The following IRF9 variants were observed in gnomAD, a reference collection of about 807,000 sequenced individuals.
IRF9 encodes IFN-alpha-responsive transcription factor subunit.
Under a neutral mutation model 44.1 loss-of-function variants are expected in IRF9, and 13 were observed. The observed-to-expected ratio is 0.29, with a 90% confidence interval of 0.19 to 0.47. The LOEUF is 0.47. Ranked by LOEUF, IRF9 falls within the 20% of genes least tolerant of loss-of-function variation. IRF9 has a pLI of 1.00. For synonymous variants in IRF9, 189 were observed against 188.5 expected (o/e 1.00, Z -0.02); for missense variants, 373 against 496.1 (o/e 0.75, Z 2.36).
chr14:24,164,580 C>T lies in IRF9; in HGVS notation c.650-34C>T. 6.5e-7 allele frequency: 1 copy of T among 1,540,250 alleles called. No homozygotes were observed. Among genetic ancestry groups the T allele is most frequent in the Non-Finnish European group, 8.8e-7 (1 of 1,135,760 alleles). On this transcript the variant is annotated intron_variant, in intron 6 of 8. Transcript: ENST00000396864. The surrounding 1 kb of genome is among the most constrained non-coding windows in gnomAD (Gnocchi z 5.2). ...AGGGGCTGCTGCCAGCCTGCATGCTCCTCCAGCACCAGGTAGGGCTGTTCT... is the reference window on the plus strand; with the variant it reads ...AGGGGCTGCTGCCAGCCTGCATGCTTCTCCAGCACCAGGTAGGGCTGTTCT...
Position 24,164,128 on chromosome 14 carries a change from G to A in IRF9, c.643G>A (p.Glu215Lys), listed in dbSNP as rs2038494644. 1 of 1,613,948 alleles carries A rather than the reference G, an allele frequency of 6.2e-7. No individual in the cohort carries two copies. Among genetic ancestry groups the A allele is most frequent in the African/African-American group, 1.3e-5 (1 of 74,916 alleles). The change falls in exon 6 of 9, where the codon GAG (glutamate) becomes AAG (lysine). Residue 215 changes from glutamate (E) to lysine (K), a missense_variant. Around this residue, in one of 2 missense-constraint regions of IRF9, gnomAD observed 146 missense variants for 240.8 expected, o/e 0.61. Transcript: ENST00000396864. The surrounding 1 kb of genome is among the most constrained non-coding windows in gnomAD (Gnocchi z 5.2). ...GTCCCTGGAGTTTCTGCTTCCTCCA[G>A]AGCCAGGTACGTGGCATTTCTGACT... ...QRSLEFLLPP[E>K]PDYSLLLTFI...
Position 24,164,555 on chromosome 14 carries a change from AG to A in IRF9, c.650-55del. On this transcript the variant is annotated intron_variant, in intron 6 of 8. Coordinates refer to ENST00000396864, the MANE Select transcript of IRF9 (RefSeq NM_006084.5). The surrounding 1 kb of genome is among the most constrained non-coding windows in gnomAD (Gnocchi z 5.2). ...GGGAGGTGGAGTTGTTCCCCTGGGGAGGGGCTGCTGCCAGCCTGCATGCTCC... is the reference window on the plus strand; with the variant it reads ...GGGAGGTGGAGTTGTTCCCCTGGGGAGGGCTGCTGCCAGCCTGCATGCTCC... The A allele has an allele frequency of 6.7e-7, 1 of 1,487,514 alleles. No individual in the cohort carries two copies. The allele number at this position is 1,487,514 out of a possible 1,614,324, so 92.1% of individuals were successfully genotyped here.
chr14:24,165,221 A>G (rs1034261461), intron 7 of IRF9: 1 of 702,206 alleles, frequency 1.4e-6, no homozygotes, highest in African/African-American at 1.7e-5. Context: ...CTTGGAGAAC[A>G]CCATCACACT....
intron 4 of IRF9, 180 bp downstream of exon 4, chr14:24,163,688 A>G (rs1392691992): frequency 2.3e-6 from 2 of 879,170 alleles, no homozygotes; most frequent in African/African-American, 3.4e-5. Flanking sequence ...AAATACAAAA[A>G]TTAGCTGTGC....
Position 24,164,146 on chromosome 14 carries a change from T to G in IRF9, c.649+12T>G. On this transcript the variant is annotated intron_variant, in intron 6 of 8. Transcript: ENST00000396864. This position sits in a 1 kb window ranked among gnomAD's most constrained non-coding sequence, Gnocchi z 5.2. The stretch of plus-strand genomic sequence containing the variant: ...TCCTCCAGAGCCAGGTACGTGGCAT[T>G]TCTGACTTTCTCCTGTGCCCTGTGC... The G allele has an allele frequency of 6.2e-7, 1 of 1,612,902 alleles. No individual in the cohort carries two copies. Among genetic ancestry groups the G allele is most frequent in the Non-Finnish European group, 8.5e-7 (1 of 1,178,886 alleles).
Position 24,164,296 on chromosome 14 carries a change from G to C in IRF9, c.649+162G>C, listed in dbSNP as rs1261026979. 3 of 670,334 alleles carry C rather than the reference G, an allele frequency of 4.5e-6. No homozygotes were observed. The African/African-American group carries it at 5.5e-5, about 12-fold the overall frequency. The allele number at this position is 670,334 out of a possible 1,614,324, so 41.5% of individuals were successfully genotyped here. On this transcript the variant is annotated intron_variant, in intron 6 of 8. Transcript: ENST00000396864. This position sits in a 1 kb window ranked among gnomAD's most constrained non-coding sequence, Gnocchi z 5.2. ...TAGGTGGCGAGAATTCCATATGCCT[G>C]GCCAGACTCCAAAAAGCTTGCTTCC...
rs1030228619 is a variant in IRF9, at chr14:24,162,999, G to A, written c.214G>A (p.Gly72Arg). Residue 72 changes from glycine to arginine, a missense_variant, in exon 3 of 9, where the codon GGG becomes AGG. Physicochemically the swap from Gly to Arg is moderately radical, Grantham distance 125 (BLOSUM62 -2). Around this residue, in one of 2 missense-constraint regions of IRF9, gnomAD observed 227 missense variants for 255.3 expected, o/e 0.89. Transcript: ENST00000396864. ...WAIFKGKYKE[G>R]DTGGPAVWKT... The stretch of plus-strand genomic sequence containing the variant: ...AATATTTAAGGGAAAGTATAAGGAG[G>A]GGGACACAGGAGGTCCAGCTGTCTG... The A allele has an allele frequency of 3.7e-6, 6 of 1,613,866 alleles. No individual in the cohort carries two copies. Among genetic ancestry groups the A allele is most frequent in the Non-Finnish European group, 5.1e-6 (6 of 1,179,994 alleles).
At position 24,162,255 on chromosome 14, in the gene IRF9, G is replaced by A. The variant is rs2038467286; in HGVS notation, c.111G>A (p.Met37Ile). 6.2e-7 allele frequency: 1 copy of A among 1,614,080 alleles called. No individual in the cohort carries two copies. Among genetic ancestry groups the A allele is most frequent in the Admixed American group, 1.7e-5 (1 of 60,006 alleles). ...GVCWDDTAKT[M>I]FRIPWKHAGK... is the part of the protein sequence containing the mutation. ...GCTGGGATGATACAGCTAAGACCAT[G>A]TTCCGGATTCCCTGGAAACATGCAG... The change falls in exon 2 of 9, where the codon ATG (methionine) becomes ATA (isoleucine). Residue 37 changes from methionine (M) to isoleucine (I), a missense_variant. Met to Ile is a conservative substitution (Grantham distance 10, BLOSUM62 1). Coordinates refer to ENST00000396864, the MANE Select transcript of IRF9 (RefSeq NM_006084.5).
rs374948582 is a variant in IRF9, at chr14:24,166,033, G to A, written c.1107+71G>A. On this transcript the variant is annotated intron_variant, in intron 8 of 8. Coordinates refer to ENST00000396864, the MANE Select transcript of IRF9 (RefSeq NM_006084.5). ...ACAGTGGTGCTCCAGGAGGCAAAGG[G>A]GGTCTCCCAGTGGGGAAGGAGCTCC... is the stretch of plus-strand genomic sequence containing the variant. 1.6e-4 allele frequency: 256 copies of A among 1,574,164 alleles called. 2 individuals are homozygous for A. In the East Asian group the frequency reaches 2.9e-3, roughly 18 times the overall value.
intron 2 of IRF9, 60 bp downstream of exon 2, chr14:24,162,384 C>A: frequency 6.7e-7 from 1 of 1,500,000 alleles, no homozygotes; most frequent in Non-Finnish European, 9.1e-7. Context: ...CACACTGGTA[C>A]ACTCATCCTC....
At chr14:24,161,968 T>C (rs2038462389) in intron 1 of IRF9, among the ~76,000 whole-genome samples, 176 bp from the exon 2 acceptor site, 1 of 152,208 alleles carries the variant, frequency 6.6e-6, no homozygotes, top group Admixed American at 6.5e-5. Flanking sequence ...CTGCTAGTGA[T>C]GGCAGAAAGG....
intron 4 of IRF9, 180 bp from the exon 5 acceptor site, chr14:24,163,698 C>A: frequency 1.2e-6 from 1 of 855,194 alleles, no homozygotes. Context: ...ATTAGCTGTG[C>A]GTTGTGGCAT....
At chr14:24,161,620 C>T (rs1316654635) in intron 1 of IRF9, among the ~76,000 whole-genome samples, 1 of 152,146 alleles carries the variant, frequency 6.6e-6, no homozygotes, top group East Asian at 1.9e-4. Context: ...CCATCTGGCC[C>T]TGCCCACTTC....
Position 24,163,013 on chromosome 14 carries a change from T to C in IRF9, c.228T>C (p.Gly76=). ...AGTATAAGGAGGGGGACACAGGAGG[T>C]CCAGCTGTCTGGAAGACTCGCCTGC... The part of the protein sequence containing the change: ...KGKYKEGDTG[G]PAVWKTRLRC... The change falls in exon 3 of 9, where the codon GGT becomes GGC. Residue 76 remains glycine, a synonymous_variant. Transcript: ENST00000396864. 1 of 1,613,894 alleles carries C rather than the reference T, an allele frequency of 6.2e-7. No homozygotes were observed. The highest frequency in any genetic ancestry group is 8.5e-7 in the Non-Finnish European group (1 of 1,180,014).
Position 24,164,681 on chromosome 14 carries a change from G to A in IRF9, c.717G>A (p.Leu239=), listed in dbSNP as rs772322390. The A allele has an allele frequency of 1.2e-6, 2 of 1,613,538 alleles. No homozygotes were observed. The highest frequency in any genetic ancestry group is 3.3e-5 in the Admixed American group (2 of 59,990). Reference sequence around the variant, plus strand: ...TGGGCGAGGCCCAGGTGCAAAGCCTGGATTGCCGCCTTGTGGCTGAGCCCT... The same window carrying A: ...TGGGCGAGGCCCAGGTGCAAAGCCTAGATTGCCGCCTTGTGGCTGAGCCCT... ...RVVGEAQVQS[L]DCRLVAEPSG... Residue 239 remains leucine (L), a synonymous_variant, in exon 7 of 9, where the codon CTG becomes CTA. Transcript: ENST00000396864. This position sits in a 1 kb window ranked among gnomAD's most constrained non-coding sequence, Gnocchi z 5.2.
intron 5 of IRF9, 38 bp downstream of exon 5, chr14:24,163,997 CA>C: frequency 6.2e-7 from 1 of 1,611,158 alleles, no homozygotes; most frequent in Non-Finnish European, 8.5e-7. Context: ...TCCCCCATGC[CA>C]CACCCTCTGG....
rs781704165 is a variant in IRF9, at chr14:24,163,164, G to A, written c.364+15G>A. On this transcript the variant is annotated intron_variant, in intron 3 of 8. Coordinates refer to ENST00000396864, the MANE Select transcript of IRF9 (RefSeq NM_006084.5). ...AATCGTCTCTGGTGAGTTTCCCCTT[G>A]TCCAACCACTGCTAGACTCAGCAGA... is the stretch of plus-strand genomic sequence containing the variant. The A allele has an allele frequency of 9.3e-6, 15 of 1,612,746 alleles. No individual in the cohort carries two copies. Among genetic ancestry groups the A allele is most frequent in the Middle Eastern group, 1.7e-4 (1 of 5,768 alleles).
rs995214538 is a variant in IRF9, at chr14:24,164,665, C to T, written c.701C>T (p.Ala234Val). Residue 234 changes from alanine to valine, a missense_variant, in exon 7 of 9, where the codon GCC (alanine) becomes GTC (valine). By Grantham distance (64) the Ala-to-Val change is moderately conservative (BLOSUM62 0). This residue lies in a region of IRF9 where 146 missense variants were observed against 240.8 expected (regional missense o/e 0.61). Coordinates refer to ENST00000396864, the MANE Select transcript of IRF9 (RefSeq NM_006084.5). This position sits in a 1 kb window ranked among gnomAD's most constrained non-coding sequence, Gnocchi z 5.2. ...FIYNGRVVGE[A>V]QVQSLDCRLV... ...TACAACGGGCGCGTGGTGGGCGAGG[C>T]CCAGGTGCAAAGCCTGGATTGCCGC... The T allele has an allele frequency of 6.2e-7, 1 of 1,613,188 alleles. No individual in the cohort carries two copies. Among genetic ancestry groups the T allele is most frequent in the Non-Finnish European group, 8.5e-7 (1 of 1,179,430 alleles).
chr14:24,162,128 T>C lies in IRF9; in HGVS notation c.-1-16T>C, dbSNP rs2038464594. On this transcript the variant is annotated splice_polypyrimidine_tract_variant and intron_variant, in intron 1 of 8. Transcript: ENST00000396864. ...AAGTGTCAGTTCTGATGCATCCTGC[T>C]CCTATTATCCCCCAGGATGGCATCA... The C allele has an allele frequency of 1.2e-6, 2 of 1,611,872 alleles. No individual in the cohort carries two copies. Among genetic ancestry groups the C allele is most frequent in the African/African-American group, 2.7e-5 (2 of 74,888 alleles).
Sources: allele counts gnomAD v4.1 joint callset (sites outside exome capture counted in the v4.1 genomes callset), GRCh38; gene constraint gnomAD v4.1.1; regional missense constraint gnomAD v4.1.1; non-coding constraint Gnocchi (gnomAD v3.1); transcripts MANE v1.5; gene names NCBI Gene and HGNC (gene_info 2026-07-23, HGNC 2026-07-21).